Variants in TTBK2 observed in about 807,000 individuals in gnomAD.
TTBK2 encodes tau tubulin kinase 2, also known as tau-tubulin kinase 2.
TTBK2 carries 28 observed loss-of-function variants against 110.8 expected under a neutral mutation model. The ratio of observed to expected loss-of-function variants is 0.25; its 90% CI spans 0.19 to 0.35. TTBK2 has a LOEUF of 0.35. TTBK2 is among the 10% of genes least tolerant of loss of function. The pLI is 1.00. For missense variants in TTBK2, 1,369 were observed against 1,500.3 expected (o/e 0.91, Z 1.45); for synonymous variants, 532 against 527.3 (o/e 1.01, Z -0.12).
rs187099529 is a variant in TTBK2 at position 42,806,896 on chromosome 15, C to G, written c.822+3718G>C. ...TAGCCCAAGACAATTCTTCTTCTTC[C>G]AGTGTGGCCCAGGGAAGCCAAAAGA... On this transcript the variant is annotated intron_variant, in intron 9 of 14. Transcript: ENST00000267890. 5.0e-3 allele frequency among the ~76,000 whole-genome samples: 756 copies of G among 151,986 alleles called. 14 individuals are homozygous for G. Among genetic ancestry groups the G allele is most frequent in the African/African-American group, 0.017 (721 of 41,450 alleles).
chr15:42,875,920 A>AG (rs1894802774), intron 2 of TTBK2, among the ~76,000 whole-genome samples: 1 of 150,952 alleles, frequency 6.6e-6, no homozygotes, highest in African/African-American at 2.4e-5. Context: ...AAAAAAAAAA[A>AG]AAAAAAAGAA....
intron 1 of TTBK2, among the ~76,000 whole-genome samples, chr15:42,908,768 T>C (rs2030567986): frequency 6.6e-6 from 1 of 152,190 alleles, no homozygotes; most frequent in South Asian, 2.1e-4. Flanking sequence ...CTTTACTAGG[T>C]ATACACCCTA....
chr15:42,796,606 T>C (rs1363312840), intron 9 of TTBK2, among the ~76,000 whole-genome samples: 1 of 152,198 alleles, frequency 6.6e-6, no homozygotes, highest in East Asian at 1.9e-4. Context: ...TAGACTAAAG[T>C]GAAGAAACCA....
At chr15:42,864,130 A>G (rs1297697208) in intron 3 of TTBK2, among the ~76,000 whole-genome samples, 1 of 152,218 alleles carries the variant, frequency 6.6e-6, no homozygotes, top group African/African-American at 2.4e-5. Flanking sequence ...GAAACTACCA[A>G]CAGAGTAAAT....
Position 42,775,500 on chromosome 15 carries a change from G to C in TTBK2, c.1633C>G (p.Gln545Glu). ...FIAVNLSSCK[Q>E]EIDSKEWVIV... ...ACCCATTCTTTGGAATCAATTTCTT[G>C]CTTGCAAGAGCTCAGGTTAACAGCT... Residue 545 changes from glutamine to glutamate, a missense_variant, in exon 13 of 15, where the codon CAA (glutamine) becomes GAA (glutamate). By Grantham distance (29) the Gln-to-Glu change is conservative (BLOSUM62 2). Around this residue, in one of 4 missense-constraint regions of TTBK2, gnomAD observed 1,097 missense variants for 1,114.7 expected, o/e 0.98. Coordinates refer to ENST00000267890, the MANE Select transcript of TTBK2 (RefSeq NM_173500.4). 6.2e-7 allele frequency: 1 copy of C among 1,614,158 alleles called. No homozygotes were observed. Among genetic ancestry groups the C allele is most frequent in the Non-Finnish European group, 8.5e-7 (1 of 1,180,042 alleles).
At chr15:42,872,462 C>T in intron 3 of TTBK2, 149 bp downstream of exon 3, 1 of 885,270 alleles carries the variant, frequency 1.1e-6, no homozygotes, top group Non-Finnish European at 1.7e-6. Flanking sequence ...TATAAAATTT[C>T]CAAGAGAAAA....
intron 1 of TTBK2, among the ~76,000 whole-genome samples, chr15:42,883,172 G>A (rs568971469): frequency 3.9e-5 from 6 of 151,970 alleles, no homozygotes; most frequent in Admixed American, 1.3e-4. Flanking sequence ...ACCTGAGGTC[G>A]GGAGTTCGAG....
chr15:42,816,085 A>AT lies in TTBK2; in HGVS notation c.603+946_603+947insA, dbSNP rs1567040790. On this transcript the variant is annotated intron_variant, in intron 7 of 14. Transcript: ENST00000267890. Reference sequence around the variant, plus strand: ...ATATATATATAAAAATAAATAAATAAATATATATATATATATATATATATA... The same window carrying AT: ...ATATATATATAAAAATAAATAAATAATATATATATATATATATATATATATA... 9.1e-3 allele frequency among the ~76,000 whole-genome samples: 611 copies of AT among 67,414 alleles called. 21 individuals carry two copies. The highest frequency in any genetic ancestry group is 0.025 in the African/African-American group (332 of 13,142). 44.2% of individuals were successfully genotyped at this position (67,414 alleles called of 152,430 possible). A position where few individuals can be genotyped will look rare whatever the true frequency, so the allele number is the denominator to read the frequency against.
chr15:42,879,313 T>C (rs1364654823), intron 1 of TTBK2, among the ~76,000 whole-genome samples: 2 of 152,158 alleles, frequency 1.3e-5, no homozygotes, highest in Admixed American at 6.5e-5. Context: ...ACTTTCAAGA[T>C]ACATTGTTTA....
chr15:42,886,047 T>C (rs1371617432), intron 1 of TTBK2, among the ~76,000 whole-genome samples: 2 of 152,040 alleles, frequency 1.3e-5, no homozygotes, highest in African/African-American at 4.8e-5. Context: ...TACACATTGG[T>C]CCCTCCCTAG....
In TTBK2 at chr15:42,775,697, C is replaced by T. The variant is rs778877514; in HGVS notation, c.1436G>A (p.Ser479Asn). The T allele has an allele frequency of 1.2e-6, 2 of 1,612,828 alleles. No homozygotes were observed. Residue 479 changes from serine (S) to asparagine (N), a missense_variant, in exon 13 of 15, where the codon AGT becomes AAT. Ser to Asn is a conservative substitution (Grantham distance 46). Transcript: ENST00000267890. Reference sequence around the variant, plus strand: ...AGGGAGAATAGATTCTTTTCCTGCACTGGTATCTTTCTGCATTTTCTCCAG... The same window carrying T: ...AGGGAGAATAGATTCTTTTCCTGCATTGGTATCTTTCTGCATTTTCTCCAG... ...TCLEKMQKDT[S>N]AGKESILPAL...
chr15:42,919,868 C>T, intron 1 of TTBK2: 2 of 968,130 alleles, frequency 2.1e-6, no homozygotes, highest in Non-Finnish European at 2.5e-6. Context: ...ATACGTGAGT[C>T]TTTTGTCCCT....
chr15:42,873,333 C>T (rs905895895), intron 2 of TTBK2, among the ~76,000 whole-genome samples: 6 of 152,092 alleles, frequency 3.9e-5, no homozygotes, highest in African/African-American at 1.4e-4. Flanking sequence ...ACTTAGGAGG[C>T]TGAGGCAGGA....
chr15:42,791,134 T>C (rs1370677522), intron 10 of TTBK2, among the ~76,000 whole-genome samples: 1 of 152,176 alleles, frequency 6.6e-6, no homozygotes. Context: ...TCCGCCCGCC[T>C]TGGCCTCCCA....
Position 42,775,331 on chromosome 15 carries a change from C to T in TTBK2, c.1802G>A (p.Gly601Asp). The T allele has an allele frequency of 6.2e-7, 1 of 1,614,204 alleles. No homozygotes were observed. Among genetic ancestry groups the T allele is most frequent in the South Asian group, 1.1e-5 (1 of 91,082 alleles). Residue 601 changes from glycine to aspartate, a missense_variant, in exon 13 of 15, where the codon GGT becomes GAT. Coordinates refer to ENST00000267890, the MANE Select transcript of TTBK2 (RefSeq NM_173500.4). ...TAAATGATCATTTTCTGCCCAAGGA[C>T]CTAACTGGAGCTTTTCATCTTGAGG... ...ASPQDEKLQL[G>D]PWAENDHLKK...
At chr15:42,780,135 C>T (rs1361720732) in intron 11 of TTBK2, among the ~76,000 whole-genome samples, 1 of 151,094 alleles carries the variant, frequency 6.6e-6, no homozygotes, top group Non-Finnish European at 1.5e-5. Context: ...GATCCTCCAC[C>T]CTCAGCCTCC....
chr15:42,821,698 T>TG (rs1491209606), intron 6 of TTBK2, among the ~76,000 whole-genome samples: 3 of 66,734 alleles, frequency 4.5e-5, no homozygotes, highest in East Asian at 3.2e-4. Flanking sequence ...TTTTTTTTTG[T>TG]TTTTTTTTTT....
chr15:42,836,544 C>T (rs184668814), intron 4 of TTBK2, among the ~76,000 whole-genome samples: 3 of 152,064 alleles, frequency 2.0e-5, no homozygotes, highest in Non-Finnish European at 4.4e-5. Context: ...GCATGCAATT[C>T]AAATGGAAAA....
chr15:42,865,513 TA>T (rs60116704), intron 3 of TTBK2, among the ~76,000 whole-genome samples: 3,420 of 109,198 alleles, frequency 0.031, 147 homozygotes, highest in African/African-American at 0.11. Context: ...ATAATAATAC[TA>T]AAAAAAAAAA....
Sources: gnomAD v4.1 joint callset for allele counts (sites outside exome capture counted in the v4.1 genomes callset) on GRCh38, gnomAD v4.1.1 for gene constraint, gnomAD v4.1.1 regional missense constraint, MANE v1.5 for transcripts, NCBI Gene and HGNC (gene_info 2026-07-23, HGNC 2026-07-21) for gene names.